Variants in CXCL13 observed in about 807,000 individuals in gnomAD.
The protein encoded by CXCL13 is C-X-C motif chemokine 13.
CXCL13 carries 7 observed loss-of-function variants against 12.2 expected under a neutral mutation model. The observed-to-expected ratio is 0.57, with a 90% CI of 0.33 to 1.07. The LOEUF (loss-of-function observed/expected upper bound fraction) is 1.07. Ranked by LOEUF, CXCL13 falls within the 50% of genes least tolerant of loss-of-function variation. The probability of loss-of-function intolerance (pLI) is 0.04; values close to 1 mark genes in which losing one functional copy is unlikely to be tolerated. For missense variants in CXCL13, 113 were observed against 127.4 expected (o/e 0.89, Z 0.55); for synonymous variants, 47 against 42.4 (o/e 1.11, Z -0.42).
chr4:77,540,643 A>ATG (rs1725175692), intron 1 of CXCL13, among the ~76,000 whole-genome samples: 1 of 152,108 alleles, frequency 6.6e-6, no homozygotes, highest in South Asian at 2.1e-4. Flanking sequence ...GTGTATATAT[A>ATG]CCATATTTTC....
At chr4:77,544,881 T>C (rs1357783825) in intron 1 of CXCL13, among the ~76,000 whole-genome samples, 1 of 152,204 alleles carries the variant, frequency 6.6e-6, no homozygotes, top group Non-Finnish European at 1.5e-5. Context: ...TGGTTTTAGG[T>C]CTAACATGCA....
intron 1 of CXCL13, among the ~76,000 whole-genome samples, chr4:77,531,033 C>T (rs557437425): frequency 1.3e-5 from 2 of 151,152 alleles, no homozygotes; most frequent in Non-Finnish European, 2.9e-5. Flanking sequence ...TCGTTATGTA[C>T]CCAGTAGTCA....
Position 77,607,729 on chromosome 4 carries a change from T to C in CXCL13, c.91T>C (p.Leu31=), listed in dbSNP as rs764436295. ...TGTTCTGGAGGTCTATTACACAAGC[T>C]TGAGGTGTAGATGTGTCCAAGAGAG... ...QGVLEVYYTS[L]RCRCVQESSV... Residue 31 remains leucine (L), a synonymous_variant, in exon 2 of 4, where the codon TTG becomes CTG. Coordinates refer to ENST00000682537, the MANE Select transcript of CXCL13 (RefSeq NM_001371558.1). 8 of 1,613,624 alleles carry C rather than the reference T, an allele frequency of 5.0e-6. No individual in the cohort carries two copies. In the South Asian group the frequency reaches 7.7e-5, roughly 16 times the overall value.
At chr4:77,513,235 G>A (rs1329277731) in intron 1 of CXCL13, among the ~76,000 whole-genome samples, 1 of 152,114 alleles carries the variant, frequency 6.6e-6, no homozygotes, top group Non-Finnish European at 1.5e-5. Context: ...ATTGTGAACA[G>A]TGCCACAATA....
At chr4:77,522,781 A>T (rs1232373886) in intron 1 of CXCL13, among the ~76,000 whole-genome samples, 1 of 151,742 alleles carries the variant, frequency 6.6e-6, no homozygotes, top group Non-Finnish European at 1.5e-5. Flanking sequence ...TTGCCCGTTT[A>T]TTGATACAAT....
intron 1 of CXCL13, among the ~76,000 whole-genome samples, chr4:77,529,069 G>C (rs1467114482): frequency 6.6e-6 from 1 of 152,128 alleles, no homozygotes; most frequent in Non-Finnish European, 1.5e-5. Context: ...TGTCAGGTTT[G>C]TCAAAGATCA....
chr4:77,534,837 T>A (rs892541483), intron 1 of CXCL13, among the ~76,000 whole-genome samples: 2 of 152,224 alleles, frequency 1.3e-5, no homozygotes, highest in Non-Finnish European at 2.9e-5. Flanking sequence ...TACAATTCCA[T>A]GACCTTACTG....
At chr4:77,543,921 C>T (rs992382088) in intron 1 of CXCL13, among the ~76,000 whole-genome samples, 14 of 152,066 alleles carry the variant, frequency 9.2e-5, no homozygotes, top group African/African-American at 3.1e-4. Context: ...TGACAGGTCC[C>T]GGTGTGTGAT....
chr4:77,588,690 T>C (rs1726537471), intron 1 of CXCL13, among the ~76,000 whole-genome samples: 1 of 152,264 alleles, frequency 6.6e-6, no homozygotes, highest in Admixed American at 6.5e-5. Context: ...AATCTGGCTC[T>C]ATCTTCATTC....
intron 1 of CXCL13, among the ~76,000 whole-genome samples, chr4:77,521,997 A>G (rs567354769): frequency 5.1e-4 from 77 of 152,306 alleles, no homozygotes; most frequent in South Asian, 1.7e-3. Flanking sequence ...CAGGTTGTTC[A>G]GTTTCCATGT....
intron 1 of CXCL13, among the ~76,000 whole-genome samples, chr4:77,549,043 C>CT: frequency 6.6e-6 from 1 of 152,098 alleles, no homozygotes; most frequent in Non-Finnish European, 1.5e-5. Context: ...TCTTTTTACT[C>CT]TTTTTTTCTC....
At chr4:77,584,473 C>T (rs576123004) in intron 1 of CXCL13, among the ~76,000 whole-genome samples, 1 of 152,314 alleles carries the variant, frequency 6.6e-6, no homozygotes, top group African/African-American at 2.4e-5. Context: ...ACTCTTTCCT[C>T]AGCTGCTACC....
intron 1 of CXCL13, among the ~76,000 whole-genome samples, chr4:77,531,623 T>C (rs988936807): frequency 5.9e-5 from 9 of 152,170 alleles, no homozygotes; most frequent in Non-Finnish European, 1.2e-4. Flanking sequence ...GTCTCATTGA[T>C]CTGTCTAATG....
chr4:77,514,730 C>T (rs1263245032), intron 1 of CXCL13, among the ~76,000 whole-genome samples: 10 of 152,156 alleles, frequency 6.6e-5, no homozygotes, highest in South Asian at 2.1e-4. Flanking sequence ...GAGTAAGTTG[C>T]GAAAATTTTC....
chr4:77,534,677 G>T (rs1047197624), intron 1 of CXCL13, among the ~76,000 whole-genome samples: 1 of 152,170 alleles, frequency 6.6e-6, no homozygotes, highest in African/African-American at 2.4e-5. Context: ...CAGTGTTTGT[G>T]TTGGGATCAA....
chr4:77,547,957 G>T (rs1477639057), intron 1 of CXCL13, among the ~76,000 whole-genome samples: 2 of 152,010 alleles, frequency 1.3e-5, no homozygotes, highest in African/African-American at 4.8e-5. Flanking sequence ...GCATTTGCTT[G>T]TCTGTACAGG....
At chr4:77,584,761 C>A (rs1165213115) in intron 1 of CXCL13, among the ~76,000 whole-genome samples, 1 of 152,170 alleles carries the variant, frequency 6.6e-6, no homozygotes, top group African/African-American at 2.4e-5. Flanking sequence ...CTGGAAAGTC[C>A]AGTCAAGGGC....
intron 1 of CXCL13, among the ~76,000 whole-genome samples, chr4:77,537,395 C>A (rs1350197902): frequency 2.0e-5 from 3 of 152,178 alleles, no homozygotes; most frequent in Non-Finnish European, 4.4e-5. Flanking sequence ...CTCCATCACA[C>A]CTCCAGCTTG....
At chr4:77,558,079 C>T (rs1467047272) in intron 1 of CXCL13, among the ~76,000 whole-genome samples, 1 of 152,228 alleles carries the variant, frequency 6.6e-6, no homozygotes, top group Non-Finnish European at 1.5e-5. Flanking sequence ...AAACAACATG[C>T]TCTGACACCT....
Sources: allele counts gnomAD v4.1 joint callset (sites outside exome capture counted in the v4.1 genomes callset), GRCh38; gene constraint gnomAD v4.1.1; transcripts MANE v1.5; gene names NCBI Gene and HGNC (gene_info 2026-07-23, HGNC 2026-07-21).